ADD1: variants seen among roughly 807,000 people sequenced by gnomAD.
ADD1 encodes the protein adducin 1.
ADD1 carries 24 observed loss-of-function variants against 80.5 expected under a neutral mutation model. The observed-to-expected ratio is 0.30, with a 90% CI of 0.22 to 0.42. ADD1 has a LOEUF of 0.42. Among genes scored for constraint, ADD1 ranks in the 10% least tolerant of loss-of-function variants. The pLI, the probability that ADD1 is intolerant of heterozygous loss-of-function variation, is 1.00. For missense variants in ADD1, 948 were observed against 1,019.0 expected (o/e 0.93, Z 0.95); for synonymous variants, 373 against 393.8 (o/e 0.95, Z 0.63).
chr4:2,893,917 C>T (rs1428424800), intron 4 of ADD1, 96 bp from the exon 5 acceptor site: 2 of 1,124,144 alleles, frequency 1.8e-6, no homozygotes, highest in South Asian at 1.3e-5. Context: ...GCATAGCTCA[C>T]TCAGTGTTCT....
In ADD1 at chr4:2,894,653, C is replaced by G. The variant is rs1359484104; in HGVS notation, c.663C>G (p.Phe221Leu). The G allele has an allele frequency of 2.5e-6, 4 of 1,609,874 alleles. No individual in the cohort carries two copies. The highest frequency in any genetic ancestry group is 3.4e-6 in the Non-Finnish European group (4 of 1,178,800). Residue 221 changes from phenylalanine to leucine, a missense_variant, in exon 6 of 16, where the codon TTC (phenylalanine) becomes TTG (leucine). Physicochemically the swap from Phe to Leu is conservative, Grantham distance 22. Coordinates refer to ENST00000683351, the MANE Select transcript of ADD1 (RefSeq NM_001354761.2). ...ATCTGGGAGTGAATCAGGCCGGCTT[C>G]ACCTTACACTCTGCAATTTATGCTG... ...STNLGVNQAG[F>L]TLHSAIYAAR... is the part of the protein sequence containing the mutation.
At chr4:2,873,033 G>T (rs1200713152) in intron 1 of ADD1, among the ~76,000 whole-genome samples, 2 of 151,638 alleles carry the variant, frequency 1.3e-5, no homozygotes, top group Non-Finnish European at 2.9e-5. Context: ...TTACTCTGTT[G>T]TTCAGGCTGG....
intron 1 of ADD1, chr4:2,855,129 G>T (rs1488417021): frequency 6.6e-6 from 1 of 152,086 alleles, no homozygotes; most frequent in Admixed American, 6.5e-5. Flanking sequence ...GGTAATCCAG[G>T]ATAATTTCAC....
chr4:2,924,061 G>A (rs2109206482), intron 14 of ADD1, among the ~76,000 whole-genome samples: 1 of 152,356 alleles, frequency 6.6e-6, no homozygotes, highest in African/African-American at 2.4e-5. Context: ...GCCGGAGGGT[G>A]AAAATGCTGA....
intron 6 of ADD1, among the ~76,000 whole-genome samples, chr4:2,896,183 G>A (rs1250098629): frequency 6.6e-6 from 1 of 151,790 alleles, no homozygotes; most frequent in East Asian, 1.9e-4. Flanking sequence ...CACTGCACCC[G>A]GCCCAGTAAT....
rs1451609732 is a variant in ADD1 at position 2,926,222 on chromosome 4, G to A, written c.2047+110G>A. 2 of 968,096 alleles carry A rather than the reference G, an allele frequency of 2.1e-6. No homozygotes were observed. The highest frequency in any genetic ancestry group is 3.3e-6 in the Non-Finnish European group (2 of 608,058). The allele number at this position is 968,096 out of a possible 1,614,324, so 60.0% of individuals were successfully genotyped here. A position where few individuals can be genotyped will look rare whatever the true frequency, so the allele number is the denominator to read the frequency against. On this transcript the variant is annotated intron_variant, in intron 15 of 15. Coordinates refer to ENST00000683351, the MANE Select transcript of ADD1 (RefSeq NM_001354761.2). The surrounding 1 kb of genome is among the most constrained non-coding windows in gnomAD (Gnocchi z 5.0). ...AACAGCAACACGGAAGTGTGTGCTT[G>A]CATCAGCGCCAGGACGTGACACCTT...
chr4:2,926,201 G>A lies in ADD1; in HGVS notation c.2047+89G>A. 8.7e-7 allele frequency: 1 copy of A among 1,149,162 alleles called. No homozygotes were observed. Among genetic ancestry groups the A allele is most frequent in the Non-Finnish European group, 1.3e-6 (1 of 765,738 alleles). The allele number at this position is 1,149,162 out of a possible 1,614,324, so 71.2% of individuals were successfully genotyped here. Reference sequence around the variant, plus strand: ...GAATGTGGCGGGAGTCGTGTTAACAGCAACACGGAAGTGTGTGCTTGCATC... The same window carrying A: ...GAATGTGGCGGGAGTCGTGTTAACAACAACACGGAAGTGTGTGCTTGCATC... On this transcript the variant is annotated intron_variant, in intron 15 of 15. Transcript: ENST00000683351. The surrounding 1 kb of genome is among the most constrained non-coding windows in gnomAD (Gnocchi z 5.0).
intron 9 of ADD1, chr4:2,900,714 G>T (rs967655963): frequency 6.6e-6 from 1 of 152,230 alleles, no homozygotes; most frequent in Non-Finnish European, 1.5e-5. Context: ...AATATTGTCC[G>T]CTAGAAAGGA....
Position 2,928,384 on chromosome 4 carries a change from C to G in ADD1, c.2261C>G (p.Ala754Gly), listed in dbSNP as rs752074050. The G allele has an allele frequency of 6.8e-6, 11 of 1,613,354 alleles. No homozygotes were observed. The East Asian group carries it at 2.5e-4, about 36-fold the overall frequency. Residue 754 changes from alanine to glycine, a missense_variant, in exon 16 of 16, where the codon GCT (alanine) becomes GGT (glycine). Coordinates refer to ENST00000683351, the MANE Select transcript of ADD1 (RefSeq NM_001354761.2). Reference sequence around the variant, plus strand: ...GACCCAGCCCCGGTGGCTGAAGAGGCTGCCCCCTCAGCTGTCGAGGAGGGG... The same window carrying G: ...GACCCAGCCCCGGTGGCTGAAGAGGGTGCCCCCTCAGCTGTCGAGGAGGGG... ...APDPAPVAEE[A>G]APSAVEEGAA...
chr4:2,912,394 C>T (rs1014675509), intron 13 of ADD1, among the ~76,000 whole-genome samples: 1 of 152,188 alleles, frequency 6.6e-6, no homozygotes, highest in African/African-American at 2.4e-5. Context: ...GGAGGGAGCT[C>T]TCCACCACTG....
At chr4:2,888,400 A>AATTATT (rs34400467) in intron 4 of ADD1, among the ~76,000 whole-genome samples, 1,765 of 139,930 alleles carry the variant, frequency 0.013, 30 homozygotes, top group African/African-American at 0.033. Flanking sequence ...GTAATAATGA[A>AATTATT]ATTATTATTA....
chr4:2,898,027 G>A lies in ADD1; in HGVS notation c.742-157G>A, dbSNP rs149858627. ...TTTTAAGTGTGAATTGTTAGCACTG[G>A]AAACCAAGTTTGTCTTAAGTTCATA... On this transcript the variant is annotated intron_variant, in intron 6 of 15. Transcript: ENST00000683351. Among the ~76,000 whole-genome samples the A allele has an allele frequency of 9.9e-4, 151 of 152,348 alleles. 1 individual carries two copies. The highest frequency in any genetic ancestry group is 3.5e-3 in the Admixed American group (54 of 15,300).
At chr4:2,898,593 A>ATT in intron 8 of ADD1, 62 bp downstream of exon 8, 1 of 1,441,114 alleles carries the variant, frequency 6.9e-7, no homozygotes, top group Non-Finnish European at 9.8e-7. Context: ...GTTCACATAG[A>ATT]TTTTTTTTTG....
chr4:2,853,155 C>G (rs951033412), intron 1 of ADD1: 2 of 148,048 alleles, frequency 1.4e-5, no homozygotes, highest in Non-Finnish European at 3.0e-5. Flanking sequence ...GTTGCCCAGG[C>G]TGGAGTGCAG....
intron 1 of ADD1, among the ~76,000 whole-genome samples, chr4:2,851,894 C>T (rs897795328): frequency 7.5e-4 from 114 of 151,670 alleles, no homozygotes; most frequent in African/African-American, 2.5e-3. Flanking sequence ...CAGGCTGGAG[C>T]GCAATGGCTC....
chr4:2,870,433 A>G (rs763540255), intron 1 of ADD1, among the ~76,000 whole-genome samples: 3 of 152,246 alleles, frequency 2.0e-5, no homozygotes, highest in Non-Finnish European at 2.9e-5. Context: ...CTTCAATGCC[A>G]TTTAGCAAAC....
At chr4:2,898,125 T>A (rs1735562797) in intron 6 of ADD1, 59 bp from the exon 7 acceptor site, 1 of 1,538,934 alleles carries the variant, frequency 6.5e-7, no homozygotes, top group Non-Finnish European at 8.8e-7. Flanking sequence ...ATTTACCATA[T>A]CATCAGTCAT....
chr4:2,844,034 G>A lies in ADD1; in HGVS notation c.-21+10G>A, dbSNP rs1475190589. On this transcript the variant is annotated intron_variant, in intron 1 of 15. Transcript: ENST00000683351. Reference sequence around the variant, plus strand: ...ACGATTCGCTTCTGAGGTGAGGCTAGCTAGCGGGGGCGGCGGGGGCCCGGT... The same window carrying A: ...ACGATTCGCTTCTGAGGTGAGGCTAACTAGCGGGGGCGGCGGGGGCCCGGT... The A allele has an allele frequency of 6.6e-6, 1 of 150,444 alleles. No homozygotes were observed. Among genetic ancestry groups the A allele is most frequent in the Non-Finnish European group, 1.5e-5 (1 of 67,528 alleles). The allele number at this position is 150,444 out of a possible 1,614,324, so 9.3% of individuals were successfully genotyped here. A position where few individuals can be genotyped will look rare whatever the true frequency, so the allele number is the denominator to read the frequency against.
intron 14 of ADD1, among the ~76,000 whole-genome samples, chr4:2,921,772 C>T (rs987311605): frequency 6.6e-6 from 1 of 152,124 alleles, no homozygotes; most frequent in Non-Finnish European, 1.5e-5. Context: ...TCAGGCACAC[C>T]AATCAAATGT....
Sources: gnomAD v4.1 joint callset for allele counts (sites outside exome capture counted in the v4.1 genomes callset) on GRCh38, gnomAD v4.1.1 for gene constraint, Gnocchi (gnomAD v3.1) non-coding constraint, MANE v1.5 for transcripts, NCBI Gene and HGNC (gene_info 2026-07-23, HGNC 2026-07-21) for gene names.